The following FER variants were observed in gnomAD, a reference collection of about 807,000 sequenced individuals.
FER encodes FER tyrosine kinase.
A neutral mutation model predicts 111.0 loss-of-function variants in FER; 63 were observed. That is an observed-to-expected ratio of 0.57 (90% CI 0.46 to 0.70). The LOEUF (loss-of-function observed/expected upper bound fraction) is 0.70. Ranked by LOEUF, FER falls within the 30% of genes least tolerant of loss-of-function variation. The probability of loss-of-function intolerance (pLI) is 0.00; values close to 1 mark genes in which losing one functional copy is unlikely to be tolerated. For synonymous variants in FER, 327 were observed against 313.9 expected, an observed-to-expected ratio of 1.04 and a Z score of -0.44; for missense variants, 914 against 954.0, an observed-to-expected ratio of 0.96 and a Z score of 0.55.
intron 5 of FER, among the ~76,000 whole-genome samples, chr5:108,844,751 C>G (rs992775391): frequency 6.6e-6 from 1 of 151,592 alleles, no homozygotes; most frequent in African/African-American, 2.4e-5. Flanking sequence ...TAAAAAGGAA[C>G]CATATAGTAC....
At chr5:108,806,126 C>T (rs1414107889) in intron 3 of FER, among the ~76,000 whole-genome samples, 7 of 152,148 alleles carry the variant, frequency 4.6e-5, no homozygotes, top group Non-Finnish European at 8.8e-5. Flanking sequence ...CCGCTCCAGC[C>T]GTGACTAAAA....
chr5:108,845,021 T>TATATATATAC (rs1761810769), intron 5 of FER, among the ~76,000 whole-genome samples: 1 of 52,744 alleles, frequency 1.9e-5, no homozygotes, highest in African/African-American at 6.5e-5. Flanking sequence ...TATATATATA[T>TATATATATAC]ATATATATAT....
intron 13 of FER, among the ~76,000 whole-genome samples, chr5:108,966,999 A>T (rs1166807612): frequency 6.6e-6 from 1 of 152,182 alleles, no homozygotes; most frequent in Non-Finnish European, 1.5e-5. Context: ...AAAGCACCTT[A>T]TGACACATGA....
chr5:108,918,549 C>T (rs1233449712), intron 10 of FER, among the ~76,000 whole-genome samples: 1 of 146,226 alleles, frequency 6.8e-6, no homozygotes, highest in African/African-American at 2.5e-5. Context: ...TGCAGTGGTG[C>T]GATCTCTGCT....
At chr5:109,121,576 G>T (rs901034705) in intron 17 of FER, among the ~76,000 whole-genome samples, 1 of 151,966 alleles carries the variant, frequency 6.6e-6, no homozygotes, top group Non-Finnish European at 1.5e-5. Flanking sequence ...GTCTTTATCC[G>T]GTTTTAGTAT....
chr5:108,945,998 T>C lies in FER; in HGVS notation c.1237-132T>C, dbSNP rs147579699. On this transcript the variant is annotated intron_variant, in intron 10 of 19. Transcript: ENST00000281092. ...GTATTTGGTTATTTGTTATCTTGAA[T>C]GTCAGGAAGTTTATATTTTATTTAG... 2.6e-3 allele frequency: 1,529 copies of C among 579,028 alleles called. 16 individuals carry two copies. The African/African-American group carries it at 0.027, about 10-fold the overall frequency. The allele number at this position is 579,028 out of a possible 1,614,324, so 35.9% of individuals were successfully genotyped here.
At chr5:108,992,652 C>T (rs559931306) in intron 13 of FER, among the ~76,000 whole-genome samples, 32 of 145,114 alleles carry the variant, frequency 2.2e-4, no homozygotes, top group Middle Eastern at 3.5e-3. Flanking sequence ...ACCTCCCTCC[C>T]GGACGGGGCG....
At chr5:108,953,869 T>G (rs931735532) in intron 11 of FER, among the ~76,000 whole-genome samples, 5 of 152,054 alleles carry the variant, frequency 3.3e-5, no homozygotes, top group African/African-American at 1.2e-4. Context: ...CTGGAGCAGT[T>G]TAGTTCCTGT....
chr5:108,983,710 A>G (rs1762248625), intron 13 of FER, among the ~76,000 whole-genome samples: 1 of 152,124 alleles, frequency 6.6e-6, no homozygotes, highest in Admixed American at 6.6e-5. Flanking sequence ...TACAATTTTA[A>G]TGGCAGAATC....
At chr5:109,075,998 T>C (rs1025160047) in intron 16 of FER, among the ~76,000 whole-genome samples, 1 of 152,058 alleles carries the variant, frequency 6.6e-6, no homozygotes, top group Non-Finnish European at 1.5e-5. Context: ...AAAAAAAAAT[T>C]AGAAGCTATT....
intron 17 of FER, among the ~76,000 whole-genome samples, chr5:109,126,633 C>T (rs1246513726): frequency 6.6e-6 from 1 of 152,160 alleles, no homozygotes; most frequent in East Asian, 1.9e-4. Context: ...CTTCTCAGGT[C>T]TGATCTCTTT....
At chr5:109,012,613 C>G (rs150824739) in intron 13 of FER, among the ~76,000 whole-genome samples, 1 of 152,148 alleles carries the variant, frequency 6.6e-6, no homozygotes, top group Admixed American at 6.6e-5. Context: ...GGTATCATTG[C>G]GATGGCACTA....
intron 17 of FER, among the ~76,000 whole-genome samples, chr5:109,168,961 G>A (rs760401334): frequency 1.3e-5 from 2 of 152,126 alleles, no homozygotes; most frequent in African/African-American, 2.4e-5. Context: ...GAGTCTTTCA[G>A]ACACTTTTAT....
At chr5:108,919,460 TGA>T (rs1404680269) in intron 10 of FER, among the ~76,000 whole-genome samples, 1 of 152,160 alleles carries the variant, frequency 6.6e-6, no homozygotes. Flanking sequence ...AAAGATTCTT[TGA>T]GAGATACTTA....
At chr5:108,951,082 A>G (rs953770209) in intron 11 of FER, among the ~76,000 whole-genome samples, 1 of 152,054 alleles carries the variant, frequency 6.6e-6, no homozygotes, top group Non-Finnish European at 1.5e-5. Flanking sequence ...CACACTGGCC[A>G]ACATGGTGAA....
intron 16 of FER, among the ~76,000 whole-genome samples, chr5:109,065,970 G>T (rs981560152): frequency 6.6e-6 from 1 of 152,158 alleles, no homozygotes; most frequent in Non-Finnish European, 1.5e-5. Context: ...GATCACATTT[G>T]ATAATATCCG....
At chr5:108,976,684 T>A (rs1040766111) in intron 13 of FER, among the ~76,000 whole-genome samples, 8 of 152,192 alleles carry the variant, frequency 5.3e-5, no homozygotes, top group Non-Finnish European at 1.2e-4. Flanking sequence ...ATTCTTACAA[T>A]AAGGCAGAGA....
intron 17 of FER, among the ~76,000 whole-genome samples, chr5:109,104,648 T>C (rs565282725): frequency 4.6e-5 from 7 of 152,262 alleles, no homozygotes; most frequent in East Asian, 1.9e-4. Context: ...GTTGAACGAA[T>C]ATGAATTTTA....
Position 109,187,858 on chromosome 5 carries a change from G to A in FER, c.*283G>A, listed in dbSNP as rs1759053538. On this transcript the variant is annotated 3_prime_UTR_variant, in exon 20 of 20. Transcript: ENST00000281092. ...AAGCACAGGCTTCTAAGTGTGTGAA[G>A]GATAAAAGATCTATCCTATCCTTTT... is the stretch of plus-strand genomic sequence containing the variant. 1 of 416,284 alleles carries A rather than the reference G, an allele frequency of 2.4e-6. No homozygotes were observed. The highest frequency in any genetic ancestry group is 4.4e-6 in the Non-Finnish European group (1 of 228,266). 25.8% of individuals were successfully genotyped at this position (416,284 alleles called of 1,614,324 possible). A position where few individuals can be genotyped will look rare whatever the true frequency, so the allele number is the denominator to read the frequency against.
Sources: allele counts gnomAD v4.1 joint callset (sites outside exome capture counted in the v4.1 genomes callset), GRCh38; gene constraint gnomAD v4.1.1; transcripts MANE v1.5; gene names NCBI Gene and HGNC (gene_info 2026-07-23, HGNC 2026-07-21).